The following RALGPS1 variants were observed in gnomAD, a reference collection of about 807,000 sequenced individuals.
The protein encoded by RALGPS1 is Ral GEF with PH domain and SH3 binding motif 1.
In RALGPS1, 19 loss-of-function variants were observed where a neutral mutation model predicts 78.8. That is an observed-to-expected ratio of 0.24 (90% CI 0.17 to 0.35). The LOEUF is 0.35. Among genes scored for constraint, RALGPS1 ranks in the 10% least tolerant of loss-of-function variants. RALGPS1 has a pLI of 1.00. For missense variants in RALGPS1, 454 were observed against 688.3 expected (o/e 0.66, Z 3.81); for synonymous variants, 228 against 256.3 (o/e 0.89, Z 1.06).
chr9:127,076,389 A>T (rs2050684523), intron 8 of RALGPS1, among the ~76,000 whole-genome samples: 1 of 152,246 alleles, frequency 6.6e-6, no homozygotes. Context: ...AGGAACAAAA[A>T]TTAGGTATTC....
intron 8 of RALGPS1, among the ~76,000 whole-genome samples, chr9:127,134,560 C>G (rs762368813): frequency 3.9e-5 from 6 of 152,162 alleles, no homozygotes; most frequent in Non-Finnish European, 5.9e-5. Context: ...TCATGCCTCA[C>G]CATAGGTATG....
At chr9:127,055,418 A>C (rs148137349) in intron 7 of RALGPS1, among the ~76,000 whole-genome samples, 173 of 152,312 alleles carry the variant, frequency 1.1e-3, no homozygotes, top group Non-Finnish European at 1.4e-3. Flanking sequence ...GTGCCTTGCT[A>C]TGTTGCCCAG....
In RALGPS1 at chr9:127,219,060, A is replaced by T; in HGVS notation, c.*291A>T. The T allele has an allele frequency of 2.0e-6, 1 of 494,870 alleles. No individual in the cohort carries two copies. The highest frequency in any genetic ancestry group is 3.3e-5 in the Admixed American group (1 of 30,154). 30.7% of individuals were successfully genotyped at this position (494,870 alleles called of 1,614,324 possible). A position where few individuals can be genotyped will look rare whatever the true frequency, so the allele number is the denominator to read the frequency against. ...CCACCACCTGCATCTGCGACTAGAG[A>T]GCACCCGGCCCACGTTGGGTTCTCA... On this transcript the variant is annotated 3_prime_UTR_variant, in exon 19 of 19. Coordinates refer to ENST00000259351, the MANE Select transcript of RALGPS1 (RefSeq NM_014636.3). This position sits in a 1 kb window ranked among gnomAD's most constrained non-coding sequence, Gnocchi z 5.0.
intron 4 of RALGPS1, among the ~76,000 whole-genome samples, chr9:127,017,729 A>AT (rs2134062150): frequency 1.3e-5 from 2 of 152,240 alleles, no homozygotes; most frequent in East Asian, 1.9e-4. Context: ...ATTCTATAAG[A>AT]TTTTTTTGTA....
At chr9:127,125,223 A>G (rs2056519643) in intron 8 of RALGPS1, among the ~76,000 whole-genome samples, 1 of 152,260 alleles carries the variant, frequency 6.6e-6, no homozygotes, top group African/African-American at 2.4e-5. Context: ...TACAAGGCTC[A>G]ACAAAAAGCT....
chr9:127,114,423 T>C (rs777234474), intron 8 of RALGPS1, among the ~76,000 whole-genome samples: 1 of 152,150 alleles, frequency 6.6e-6, no homozygotes, highest in Non-Finnish European at 1.5e-5. Context: ...ATACTGTGAA[T>C]AAAGAGAAAC....
intron 1 of RALGPS1, among the ~76,000 whole-genome samples, chr9:126,940,330 G>A (rs938218911): frequency 6.6e-6 from 1 of 151,974 alleles, no homozygotes; most frequent in African/African-American, 2.4e-5. Context: ...TCCAAGCCAC[G>A]TAAATTCTGC....
At chr9:127,166,507 T>G (rs2059298175) in intron 9 of RALGPS1, among the ~76,000 whole-genome samples, 1 of 152,154 alleles carries the variant, frequency 6.6e-6, no homozygotes, top group African/African-American at 2.4e-5. Context: ...CCTGGGTCAT[T>G]CATTCATGAA....
At chr9:127,070,732 A>C (rs546014295) in intron 8 of RALGPS1, among the ~76,000 whole-genome samples, 184 of 152,232 alleles carry the variant, frequency 1.2e-3, no homozygotes, top group Non-Finnish European at 2.1e-3. Flanking sequence ...TTCTAATAAC[A>C]AGGGAAACCA....
chr9:127,067,447 G>T (rs1564517372), intron 7 of RALGPS1, among the ~76,000 whole-genome samples: 1 of 152,234 alleles, frequency 6.6e-6, no homozygotes, highest in Non-Finnish European at 1.5e-5. Context: ...AGAGGCTGAA[G>T]ATGAAGGAAC....
chr9:127,112,032 GC>G (rs1193431820), intron 8 of RALGPS1, among the ~76,000 whole-genome samples: 1 of 152,206 alleles, frequency 6.6e-6, no homozygotes, highest in East Asian at 1.9e-4. Flanking sequence ...CTGGGTCTGG[GC>G]TCCACCTTGG....
At chr9:127,034,143 G>T (rs973849915) in intron 4 of RALGPS1, among the ~76,000 whole-genome samples, 1 of 152,172 alleles carries the variant, frequency 6.6e-6, no homozygotes, top group Admixed American at 6.5e-5. Context: ...AGGACTTCTG[G>T]TCTTAGAGAA....
intron 4 of RALGPS1, among the ~76,000 whole-genome samples, chr9:126,979,184 TA>T (rs2040973897): frequency 2.0e-5 from 3 of 152,118 alleles, no homozygotes; most frequent in African/African-American, 7.2e-5. Context: ...CTAGTACCAC[TA>T]GCTTTGTTCA....
chr9:127,106,533 G>A (rs570321366), intron 8 of RALGPS1, among the ~76,000 whole-genome samples: 1 of 152,304 alleles, frequency 6.6e-6, no homozygotes, highest in Non-Finnish European at 1.5e-5. Flanking sequence ...ATTAACAGAT[G>A]AGGAAACCGA....
At chr9:127,067,659 T>A (rs116333216) in intron 7 of RALGPS1, among the ~76,000 whole-genome samples, 145 of 152,368 alleles carry the variant, frequency 9.5e-4, no homozygotes, top group African/African-American at 3.3e-3. Flanking sequence ...TCTCTTGTTC[T>A]AGGTTCTTGC....
At chr9:126,976,942 C>T (rs2040719640) in intron 3 of RALGPS1, among the ~76,000 whole-genome samples, 2 of 152,220 alleles carry the variant, frequency 1.3e-5, no homozygotes, top group African/African-American at 4.8e-5. Flanking sequence ...GCCTTTTAAC[C>T]TGATGTGTGT....
intron 8 of RALGPS1, among the ~76,000 whole-genome samples, chr9:127,165,761 A>G (rs2059262534): frequency 6.6e-6 from 1 of 152,216 alleles, no homozygotes; most frequent in Non-Finnish European, 1.5e-5. Context: ...ACAAGTATTC[A>G]TCCCTTTCAT....
chr9:126,959,918 A>G (rs2038716804), intron 1 of RALGPS1, among the ~76,000 whole-genome samples: 1 of 152,188 alleles, frequency 6.6e-6, no homozygotes, highest in Non-Finnish European at 1.5e-5. Flanking sequence ...TCCCCAGTTG[A>G]TTCCCAAATG....
At chr9:127,134,015 C>CCG (rs1564641155) in intron 8 of RALGPS1, among the ~76,000 whole-genome samples, 2 of 151,812 alleles carry the variant, frequency 1.3e-5, no homozygotes, top group Non-Finnish European at 2.9e-5. Flanking sequence ...CTCCCCCCCC[C>CCG]GTGAATGCTG....
Sources: allele counts gnomAD v4.1 joint callset (sites outside exome capture counted in the v4.1 genomes callset), GRCh38; gene constraint gnomAD v4.1.1; non-coding constraint Gnocchi (gnomAD v3.1); transcripts MANE v1.5; gene names NCBI Gene and HGNC (gene_info 2026-07-23, HGNC 2026-07-21).